Variants in GHR observed in about 807,000 individuals in gnomAD.
The protein encoded by GHR is growth hormone receptor.
A neutral mutation model predicts 67.1 loss-of-function variants in GHR; 35 were observed. That is an observed-to-expected ratio of 0.52 (90% confidence interval 0.40 to 0.69). The LOEUF is 0.69. GHR is among the 30% of genes least tolerant of loss of function. GHR has a pLI of 0.00. For synonymous variants in GHR, 272 were observed against 269.1 expected, an observed-to-expected ratio of 1.01 and a Z score of -0.10; for missense variants, 792 against 764.6, an observed-to-expected ratio of 1.04 and a Z score of -0.42.
intron 1 of GHR, among the ~76,000 whole-genome samples, chr5:42,518,167 T>G (rs1420866847): frequency 6.7e-6 from 1 of 148,894 alleles, no homozygotes; most frequent in Non-Finnish European, 1.5e-5. Context: ...ATATAGTATA[T>G]ATTCATAATA....
Position 42,629,057 on chromosome 5 carries a change from C to T in GHR, c.90C>T (p.Ser30=). The part of the protein sequence containing the change: ...SGSEATAAIL[S]RAPWSLQSVN... ...TTTCAGCCACAGCAGCTATCCTTAG[C>T]AGAGCACCCTGGAGTCTGCAAAGTG... Residue 30 remains serine (S), a synonymous_variant, in exon 3 of 10, where the codon AGC becomes AGT. Transcript: ENST00000230882. 3 of 1,416,292 alleles carry T rather than the reference C, an allele frequency of 2.1e-6. 1 individual carries two copies. In the South Asian group the frequency reaches 3.6e-5, roughly 17 times the overall value. The allele number at this position is 1,416,292 out of a possible 1,614,324, so 87.7% of individuals were successfully genotyped here.
chr5:42,567,739 G>A (rs542509301), intron 2 of GHR, among the ~76,000 whole-genome samples: 1 of 151,062 alleles, frequency 6.6e-6, no homozygotes, highest in African/African-American at 2.4e-5. Flanking sequence ...ATGTAAGCAC[G>A]TTCCAGTGTG....
intron 2 of GHR, among the ~76,000 whole-genome samples, chr5:42,613,831 A>T (rs1753005679): frequency 6.6e-6 from 1 of 152,122 alleles, no homozygotes; most frequent in African/African-American, 2.4e-5. Context: ...TTGCCCTACT[A>T]AAGGTAGGGA....
At chr5:42,647,524 A>AGAT in intron 3 of GHR, 1 of 319,338 alleles carries the variant, frequency 3.1e-6, no homozygotes, top group Non-Finnish European at 6.1e-6. Flanking sequence ...CAGTGAGCTG[A>AGAT]GATCCTGCCA....
At chr5:42,568,170 A>G (rs1469872645) in intron 2 of GHR, among the ~76,000 whole-genome samples, 1 of 152,154 alleles carries the variant, frequency 6.6e-6, no homozygotes, top group Non-Finnish European at 1.5e-5. Context: ...GCACTTGAGC[A>G]GGGATTTTCT....
chr5:42,599,356 C>T (rs1292832444), intron 2 of GHR, among the ~76,000 whole-genome samples: 1 of 125,718 alleles, frequency 8.0e-6, no homozygotes, highest in Non-Finnish European at 1.6e-5. Context: ...GCCTACAGCA[C>T]ATTTTTTTTT....
At position 42,424,393 on chromosome 5, in the gene GHR, C is replaced by T. The variant is rs1157071050; in HGVS notation, c.-12+438C>T. On this transcript the variant is annotated intron_variant, in intron 1 of 9. Coordinates refer to ENST00000230882, the MANE Select transcript of GHR (RefSeq NM_000163.5). The surrounding 1 kb of genome is among the most constrained non-coding windows in gnomAD (Gnocchi z 4.1). ...CTGTTTGCCATCATCTGCCTGGCTG[C>T]GGCAGGAACTGCCGAGGCTGCTGCT... The T allele has an allele frequency of 1.0e-5, 6 of 598,236 alleles. No homozygotes were observed. Among genetic ancestry groups the T allele is most frequent in the Non-Finnish European group, 1.8e-5 (6 of 335,308 alleles). The allele number at this position is 598,236 out of a possible 1,614,324, so 37.1% of individuals were successfully genotyped here.
intron 6 of GHR, among the ~76,000 whole-genome samples, chr5:42,706,170 C>A (rs1331139955): frequency 6.6e-6 from 1 of 152,088 alleles, no homozygotes; most frequent in Non-Finnish European, 1.5e-5. Context: ...TTTTTTCTTA[C>A]ACTTGTTGGC....
chr5:42,677,549 A>G (rs1488274303), intron 3 of GHR, among the ~76,000 whole-genome samples: 3 of 152,180 alleles, frequency 2.0e-5, no homozygotes, highest in African/African-American at 7.2e-5. Flanking sequence ...CTAGAATACA[A>G]CCACAGAAAA....
chr5:42,710,982 A>G (rs1488737632), intron 6 of GHR, among the ~76,000 whole-genome samples: 1 of 152,200 alleles, frequency 6.6e-6, no homozygotes, highest in African/African-American at 2.4e-5. Context: ...CAAGTCTATC[A>G]TATCTTTGGG....
At chr5:42,571,227 G>A (rs1460100312) in intron 2 of GHR, among the ~76,000 whole-genome samples, 1 of 152,218 alleles carries the variant, frequency 6.6e-6, no homozygotes, top group African/African-American at 2.4e-5. Flanking sequence ...ACAGCAGAGT[G>A]TCTAAGCTAC....
intron 3 of GHR, among the ~76,000 whole-genome samples, chr5:42,677,065 G>T (rs756560874): frequency 4.6e-5 from 7 of 151,440 alleles, no homozygotes; most frequent in Non-Finnish European, 7.4e-5. Context: ...ATAAAATAAA[G>T]AAAAAAGTAA....
chr5:42,458,257 G>A (rs1744342075), intron 1 of GHR, among the ~76,000 whole-genome samples: 1 of 152,152 alleles, frequency 6.6e-6, no homozygotes, highest in Non-Finnish European at 1.5e-5. Flanking sequence ...AACCAAAACA[G>A]CATGTCACTG....
At chr5:42,492,521 A>T (rs930804926) in intron 1 of GHR, among the ~76,000 whole-genome samples, 1 of 152,082 alleles carries the variant, frequency 6.6e-6, no homozygotes, top group Non-Finnish European at 1.5e-5. Flanking sequence ...TGGTTGAGGT[A>T]ATCCTAGGGA....
chr5:42,529,324 A>T (rs572273516), intron 1 of GHR, among the ~76,000 whole-genome samples: 2 of 152,190 alleles, frequency 1.3e-5, no homozygotes, highest in East Asian at 3.9e-4. Context: ...CATAACTTTT[A>T]TATACAGTAG....
Position 42,629,995 on chromosome 5 carries a change from AACC to A in GHR, c.136+895_136+897del. On this transcript the variant is annotated intron_variant, in intron 3 of 9. Coordinates refer to ENST00000230882, the MANE Select transcript of GHR (RefSeq NM_000163.5). ...CTGGTCCTTTGACAATCTCCTCTTC[AACC>A]ACAAGACAGAACCCCACCATCAACT... 1.5e-5 allele frequency among the ~76,000 whole-genome samples: 2 copies of A among 131,546 alleles called. 1 individual carries two copies. The highest frequency in any genetic ancestry group is 4.1e-4 in the East Asian group (2 of 4,862). 86.3% of individuals were successfully genotyped at this position (131,546 alleles called of 152,430 possible). A position where few individuals can be genotyped will look rare whatever the true frequency, so the allele number is the denominator to read the frequency against.
At chr5:42,709,949 A>C (rs1238194144) in intron 6 of GHR, among the ~76,000 whole-genome samples, 2 of 152,086 alleles carry the variant, frequency 1.3e-5, no homozygotes, top group Admixed American at 6.6e-5. Flanking sequence ...TGAATCACTG[A>C]GGGCCCTTTT....
In GHR at chr5:42,634,311, AC is replaced by A. The variant is rs1754063867; in HGVS notation, c.136+5210del. On this transcript the variant is annotated intron_variant, in intron 3 of 9. Coordinates refer to ENST00000230882, the MANE Select transcript of GHR (RefSeq NM_000163.5). ...TTTATTCCAATGTGTATTAAATTGA[AC>A]CGTATGAAATTGCCCATGTCAACTC... Among the ~76,000 whole-genome samples, 13 of 152,208 alleles carry A rather than the reference AC, an allele frequency of 8.5e-5. No individual in the cohort carries two copies. In the South Asian group the frequency reaches 2.7e-3, roughly 32 times the overall value.
intron 1 of GHR, among the ~76,000 whole-genome samples, chr5:42,564,696 G>A (rs556191837): frequency 6.6e-6 from 1 of 152,290 alleles, no homozygotes; most frequent in South Asian, 2.1e-4. Context: ...GGCCACATCT[G>A]TAGGCCCATG....
Sources: allele counts gnomAD v4.1 joint callset (sites outside exome capture counted in the v4.1 genomes callset), GRCh38; gene constraint gnomAD v4.1.1; non-coding constraint Gnocchi (gnomAD v3.1); transcripts MANE v1.5; gene names NCBI Gene and HGNC (gene_info 2026-07-23, HGNC 2026-07-21).